Variants in ZNF577 observed in about 807,000 individuals in gnomAD.
The protein encoded by ZNF577 is zinc finger protein 577.
In ZNF577, 14 loss-of-function variants were observed where a neutral mutation model predicts 13.9. The observed-to-expected ratio is 1.00, with a 90% CI of 0.66 to 1.57. The LOEUF (loss-of-function observed/expected upper bound fraction) is 1.57, where lower values mean the gene tolerates loss of function less well. ZNF577 is among the 40% of genes most tolerant of loss of function. ZNF577 has a pLI of 0.00. For missense variants in ZNF577, 555 were observed against 579.2 expected (o/e 0.96, Z 0.43); for synonymous variants, 203 against 202.9 (o/e 1.00, Z 0.00).
chr19:51,857,659 C>G (rs2084451324), intron 5 of ZNF577, among the ~76,000 whole-genome samples: 1 of 152,124 alleles, frequency 6.6e-6, no homozygotes, highest in Non-Finnish European at 1.5e-5. Flanking sequence ...ATCCACCCAC[C>G]AGCCTTCGGG....
chr19:51,876,265 A>G (rs1417992146), intron 5 of ZNF577, among the ~76,000 whole-genome samples: 2 of 152,130 alleles, frequency 1.3e-5, no homozygotes, highest in Non-Finnish European at 2.9e-5. Flanking sequence ...AGAAAGGAGG[A>G]TTCTGGTTTC....
Position 51,867,522 on chromosome 19 carries a change from C to T in ZNF577, c.*5010G>A, listed in dbSNP as rs2122631141. On this transcript the variant is annotated 3_prime_UTR_variant, in exon 6 of 6. Coordinates refer to ENST00000638348, the MANE Select transcript of ZNF577 (RefSeq NM_001370449.1). ...AGGCGCGGTGGCTCACACCTGTAAT[C>T]CCAGCACTTTGGGAGGCTGAGGTGG... is the stretch of plus-strand genomic sequence containing the variant. 1.3e-5 allele frequency among the ~76,000 whole-genome samples: 2 copies of T among 151,938 alleles called. No homozygotes were observed. Among genetic ancestry groups the T allele is most frequent in the South Asian group, 4.2e-4 (2 of 4,794 alleles).
At chr19:51,857,365 G>GGAAAAAAAGAAA (rs1555745842) in intron 5 of ZNF577, among the ~76,000 whole-genome samples, 3 of 93,296 alleles carry the variant, frequency 3.2e-5, no homozygotes, top group African/African-American at 1.4e-4. Context: ...AAAGAAGGAA[G>GGAAAAAAAGAAA]GAAAGAAAGA....
intron 5 of ZNF577, among the ~76,000 whole-genome samples, chr19:51,854,086 A>G (rs980134959): frequency 1.3e-5 from 2 of 152,120 alleles, no homozygotes; most frequent in African/African-American, 4.8e-5. Flanking sequence ...TATAATAAAA[A>G]CCTTGAGAAA....
chr19:51,883,184 G>A (rs912330722), intron 1 of ZNF577, among the ~76,000 whole-genome samples: 6 of 151,908 alleles, frequency 3.9e-5, no homozygotes, highest in African/African-American at 1.5e-4. Context: ...GTAAAGACGA[G>A]GCTTCACCAT....
intron 9 of ZNF577, among the ~76,000 whole-genome samples, chr19:51,819,938 G>A (rs1395110259): frequency 6.6e-6 from 1 of 152,178 alleles, no homozygotes; most frequent in Non-Finnish European, 1.5e-5. Context: ...TTCTTGGGAA[G>A]ACGAGAGACA....
At chr19:51,807,669 A>C (rs564663794) in intron 10 of ZNF577, among the ~76,000 whole-genome samples, 4 of 152,250 alleles carry the variant, frequency 2.6e-5, no homozygotes, top group Non-Finnish European at 5.9e-5. Flanking sequence ...GTTTGTGATG[A>C]GTAATCACAG....
chr19:51,833,376 GT>G (rs1274687669), intron 9 of ZNF577, among the ~76,000 whole-genome samples: 1 of 152,092 alleles, frequency 6.6e-6, no homozygotes, highest in Non-Finnish European at 1.5e-5. Context: ...TAGATTTTTA[GT>G]TGTTTAAGGT....
intron 8 of ZNF577, chr19:51,840,968 A>G (rs781628701): frequency 2.6e-5 from 4 of 151,984 alleles, no homozygotes; most frequent in African/African-American, 4.8e-5. Flanking sequence ...AAGTTCCCTC[A>G]TTTTTTTTCT....
intron 3 of ZNF577, among the ~76,000 whole-genome samples, chr19:51,879,021 G>T (rs1215703865): frequency 6.6e-6 from 1 of 152,052 alleles, no homozygotes; most frequent in Non-Finnish European, 1.5e-5. Context: ...ACTTTGGGAG[G>T]CCGAGGTGGG....
intron 9 of ZNF577, among the ~76,000 whole-genome samples, chr19:51,815,567 T>A (rs1166395259): frequency 6.9e-6 from 1 of 143,934 alleles, no homozygotes; most frequent in Non-Finnish European, 1.5e-5. Context: ...AGACTCTGTC[T>A]AAAAAAAAAA....
At chr19:51,830,251 T>C (rs1351237882) in intron 9 of ZNF577, among the ~76,000 whole-genome samples, 1 of 152,226 alleles carries the variant, frequency 6.6e-6, no homozygotes, top group Non-Finnish European at 1.5e-5. Context: ...CATTTTCTTT[T>C]TGTGTTTTTG....
chr19:51,875,212 G>A (rs1461631574), intron 5 of ZNF577, among the ~76,000 whole-genome samples: 1 of 151,608 alleles, frequency 6.6e-6, no homozygotes. Context: ...CAAAAAAAAG[G>A]ATTAGCTAGG....
intron 3 of ZNF577, 40 bp downstream of exon 3, chr19:51,880,283 A>G: frequency 6.2e-7 from 1 of 1,601,558 alleles, no homozygotes; most frequent in South Asian, 1.1e-5. Flanking sequence ...TCTCTGAAGG[A>G]AAGAAGTTTC....
At chr19:51,807,549 T>C (rs372936354) in intron 10 of ZNF577, among the ~76,000 whole-genome samples, 2 of 152,164 alleles carry the variant, frequency 1.3e-5, no homozygotes, top group African/African-American at 4.8e-5. Context: ...GCTCTGAGCA[T>C]TGACCTGAAA....
intron 9 of ZNF577, among the ~76,000 whole-genome samples, chr19:51,826,354 C>G (rs1476779790): frequency 6.6e-6 from 1 of 152,198 alleles, no homozygotes; most frequent in Non-Finnish European, 1.5e-5. Context: ...TTTTCTGATT[C>G]TATCCTCGGG....
chr19:51,866,631 G>A (rs374539099), downstream of ZNF577, among the ~76,000 whole-genome samples: 4 of 152,286 alleles, frequency 2.6e-5, no homozygotes, highest in African/African-American at 7.2e-5. Flanking sequence ...GCTGCTAAAC[G>A]TTTGTGAGAA....
intron 5 of ZNF577, among the ~76,000 whole-genome samples, chr19:51,848,560 C>G (rs1189224367): frequency 6.6e-6 from 1 of 152,138 alleles, no homozygotes; most frequent in African/African-American, 2.4e-5. Flanking sequence ...ATGGGAAGAG[C>G]TCTCTGGATG....
Position 51,873,219 on chromosome 19 carries a change from G to A in ZNF577, c.771C>T (p.Leu257=). 1.2e-6 allele frequency: 2 copies of A among 1,613,910 alleles called. No individual in the cohort carries two copies. The highest frequency in any genetic ancestry group is 1.7e-6 in the Non-Finnish European group (2 of 1,179,832). ...CGKAFSRKCR[L]NRHQRSHTGE... ...CAGTATGTGATCGCTGATGTCTATT[G>A]AGCCGGCACTTCCGGCTGAAGGCTT... The change falls in exon 6 of 6, where the codon CTC becomes CTT. Residue 257 remains leucine (L), a synonymous_variant. Transcript: ENST00000638348.
Sources: allele counts gnomAD v4.1 joint callset (sites outside exome capture counted in the v4.1 genomes callset), GRCh38; gene constraint gnomAD v4.1.1; transcripts MANE v1.5; gene names NCBI Gene and HGNC (gene_info 2026-07-23, HGNC 2026-07-21).